DLGAP5: variants seen among roughly 807,000 people sequenced by gnomAD.
The protein encoded by DLGAP5 is disks large-associated protein 5.
Under a neutral mutation model 99.6 loss-of-function variants are expected in DLGAP5, and 90 were observed. The ratio of observed to expected loss-of-function variants is 0.90; its 90% CI spans 0.76 to 1.08. The LOEUF is 1.08. DLGAP5 is among the 50% of genes least tolerant of loss of function. The pLI is 0.00. For synonymous variants in DLGAP5, 311 were observed against 321.3 expected (o/e 0.97, Z 0.34); for missense variants, 1,036 against 983.5 (o/e 1.05, Z -0.71).
intron 12 of DLGAP5, among the ~76,000 whole-genome samples, chr14:55,166,113 G>A (rs2140314262): frequency 6.6e-6 from 1 of 152,248 alleles, no homozygotes; most frequent in East Asian, 1.9e-4. Context: ...ATATTCACAG[G>A]TTATTCATAA....
At chr14:55,170,602 T>C in intron 11 of DLGAP5, 100 bp downstream of exon 11, 1 of 1,049,038 alleles carries the variant, frequency 9.5e-7, no homozygotes, top group Non-Finnish European at 1.4e-6. Flanking sequence ...TGAATGATAA[T>C]GAAACAATAA....
At chr14:55,176,179 G>A (rs1883056088) in intron 8 of DLGAP5, among the ~76,000 whole-genome samples, 161 bp from the exon 9 acceptor site, 2 of 152,096 alleles carry the variant, frequency 1.3e-5, no homozygotes, top group Admixed American at 1.3e-4. Flanking sequence ...AACACCTATA[G>A]TGTGAATGTC....
At chr14:55,160,110 G>A (rs567030881) in intron 13 of DLGAP5, among the ~76,000 whole-genome samples, 2 of 152,044 alleles carry the variant, frequency 1.3e-5, no homozygotes, top group African/African-American at 4.8e-5. Flanking sequence ...AGGCTGAGGT[G>A]GGAGATTGCT....
rs1262929004 is a variant in DLGAP5 at position 55,154,647 on chromosome 14, T to G, written c.2033A>C (p.Lys678Thr). Residue 678 changes from lysine (K) to threonine (T), a missense_variant, in exon 15 of 19, where the codon AAG (lysine) becomes ACG (threonine). Lys to Thr is a moderately conservative substitution (Grantham distance 78). Coordinates refer to ENST00000247191, the MANE Select transcript of DLGAP5 (RefSeq NM_014750.5). ...PQNTKSEHVK[K>T]TLFLSIPESR... ...TTCAGGAATACTCAAAAACAAAGTCTTCTTCACATGTTCACTTTTCGTATT... is the reference window on the plus strand; with the variant it reads ...TTCAGGAATACTCAAAAACAAAGTCGTCTTCACATGTTCACTTTTCGTATT... The G allele has an allele frequency of 3.1e-6, 5 of 1,614,134 alleles. No homozygotes were observed. The highest frequency in any genetic ancestry group is 1.6e-4 in the Middle Eastern group (1 of 6,062).
Position 55,148,428 on chromosome 14 carries a change from G to A in DLGAP5, c.2464C>T (p.His822Tyr). The A allele has an allele frequency of 6.2e-7, 1 of 1,614,162 alleles. No homozygotes were observed. Among genetic ancestry groups the A allele is most frequent in the Non-Finnish European group, 8.5e-7 (1 of 1,180,012 alleles). The change falls in exon 19 of 19, where the codon CAT (histidine) becomes TAT (tyrosine). Residue 822 changes from histidine to tyrosine, a missense_variant. Physicochemically the swap from His to Tyr is moderately conservative, Grantham distance 83. Coordinates refer to ENST00000247191, the MANE Select transcript of DLGAP5 (RefSeq NM_014750.5). ...GAAATGTGTCTGGCATGTTCTTGAT[G>A]TCTCCTCTCCAGCTGAGTAAATGGA... ...SNPFTQLERR[H>Y]QEHARHISFG...
At position 55,175,371 on chromosome 14, in the gene DLGAP5, G is replaced by A; in HGVS notation, c.1276C>T (p.Pro426Ser). 6.2e-7 allele frequency: 1 copy of A among 1,610,298 alleles called. No individual in the cohort carries two copies. The highest frequency in any genetic ancestry group is 8.5e-7 in the Non-Finnish European group (1 of 1,178,806). Residue 426 changes from proline (P) to serine (S), a missense_variant, in exon 10 of 19, where the codon CCC becomes TCC. Physicochemically the swap from Pro to Ser is moderately conservative, Grantham distance 74. Coordinates refer to ENST00000247191, the MANE Select transcript of DLGAP5 (RefSeq NM_014750.5). ...CTGAAATATGGCACACCATGGTGGG[G>A]CTGAGCAATTCGACCTTCATTTCTT... ...LERNEGRIAQ[P>S]HHGVPYFRNI...
Position 55,162,989 on chromosome 14 carries a change from C to A in DLGAP5, c.1635G>T (p.Met545Ile). ...WQVNNNMNHNMNKNVFRKKVV... is the reference protein window; with the variant it reads ...WQVNNNMNHNINKNVFRKKVV... ...AACTTACCCTAAAGACATTTTTGTT[C>A]ATATTATGATTCATATTATTATTGA... Residue 545 changes from methionine to isoleucine, a missense_variant, in exon 13 of 19, where the codon ATG becomes ATT. Physicochemically the swap from Met to Ile is conservative, Grantham distance 10 (BLOSUM62 1). Transcript: ENST00000247191. 1 of 1,573,496 alleles carries A rather than the reference C, an allele frequency of 6.4e-7. No homozygotes were observed. Among genetic ancestry groups the A allele is most frequent in the Non-Finnish European group, 8.6e-7 (1 of 1,161,478 alleles).
At chr14:55,159,215 G>A (rs1882326476) in intron 13 of DLGAP5, among the ~76,000 whole-genome samples, 1 of 152,154 alleles carries the variant, frequency 6.6e-6, no homozygotes, top group African/African-American at 2.4e-5. Flanking sequence ...ATGGGGTGAG[G>A]CAAGTGCTAG....
Position 55,154,719 on chromosome 14 carries a change from A to T in DLGAP5, c.1961T>A (p.Met654Lys), listed in dbSNP as rs1882144780. The T allele has an allele frequency of 6.2e-7, 1 of 1,614,060 alleles. No homozygotes were observed. Among genetic ancestry groups the T allele is most frequent in the Non-Finnish European group, 8.5e-7 (1 of 1,180,018 alleles). Residue 654 changes from methionine (M) to lysine (K), a missense_variant, in exon 15 of 19, where the codon ATG (methionine) becomes AAG (lysine). Transcript: ENST00000247191. The part of the protein sequence containing the change: ...NKAVSQSRNE[M>K]GIPQQTTSPE... ...TGATGTAGTTTGTTGTGGAATGCCCATCTCATTTCTACTCTGAGATACAGC... is the reference window on the plus strand; with the variant it reads ...TGATGTAGTTTGTTGTGGAATGCCCTTCTCATTTCTACTCTGAGATACAGC...
chr14:55,185,284 C>T (rs1204737951), intron 2 of DLGAP5, among the ~76,000 whole-genome samples: 1 of 152,258 alleles, frequency 6.6e-6, no homozygotes, highest in Non-Finnish European at 1.5e-5. Flanking sequence ...AATGCATCCT[C>T]GGCCTCCCGG....
intron 12 of DLGAP5, among the ~76,000 whole-genome samples, chr14:55,164,934 A>G (rs1279700899): frequency 1.5e-5 from 2 of 135,460 alleles, no homozygotes; most frequent in Non-Finnish European, 3.1e-5. Context: ...AAAAAAAAAA[A>G]AAAGAGAAAT....
At position 55,187,866 on chromosome 14, in the gene DLGAP5, C is replaced by A. The variant is rs77974685; in HGVS notation, c.238+1076G>T. Among the ~76,000 whole-genome samples the A allele has an allele frequency of 8.5e-3, 1,299 of 152,276 alleles. 21 individuals are homozygous for A. The highest frequency in any genetic ancestry group is 0.017 in the Middle Eastern group (5 of 294). ...CTCATTTCAGAGTAAAAGCCAATGT[C>A]CTTATAATGATGGTCCTTAGGATTC... On this transcript the variant is annotated intron_variant, in intron 2 of 18. Transcript: ENST00000247191.
chr14:55,172,485 T>C (rs1282896374), intron 10 of DLGAP5, among the ~76,000 whole-genome samples: 1 of 151,962 alleles, frequency 6.6e-6, no homozygotes, highest in African/African-American at 2.4e-5. Context: ...TTTTTTTAAA[T>C]ACAAAATTCT....
At position 55,184,148 on chromosome 14, in the gene DLGAP5, G is replaced by A. The variant is rs1036669035; in HGVS notation, c.239-395C>T. 5.3e-5 allele frequency among the ~76,000 whole-genome samples: 8 copies of A among 150,162 alleles called. No homozygotes were observed. In the East Asian group the frequency reaches 1.4e-3, roughly 26 times the overall value. On this transcript the variant is annotated intron_variant, in intron 2 of 18. Coordinates refer to ENST00000247191, the MANE Select transcript of DLGAP5 (RefSeq NM_014750.5). ...AGCCTAAGCAACAGAGCAAGACTCCGTCTCAAGAAAAAAAAAAAGGCTTTC... is the reference window on the plus strand; with the variant it reads ...AGCCTAAGCAACAGAGCAAGACTCCATCTCAAGAAAAAAAAAAAGGCTTTC...
intron 10 of DLGAP5, among the ~76,000 whole-genome samples, chr14:55,170,995 C>G (rs1177346784): frequency 1.3e-5 from 2 of 152,108 alleles, no homozygotes; most frequent in Non-Finnish European, 2.9e-5. Flanking sequence ...TCCTTTTATA[C>G]CTAAAACTTA....
At chr14:55,160,880 T>C (rs1213579371) in intron 13 of DLGAP5, among the ~76,000 whole-genome samples, 1 of 152,100 alleles carries the variant, frequency 6.6e-6, no homozygotes, top group Admixed American at 6.6e-5. Flanking sequence ...ACAAAAATAA[T>C]AGAGTATAGA....
intron 1 of DLGAP5, among the ~76,000 whole-genome samples, chr14:55,190,086 A>G (rs1033357795): frequency 6.6e-6 from 1 of 152,184 alleles, no homozygotes; most frequent in Non-Finnish European, 1.5e-5. Flanking sequence ...GACCAAATAT[A>G]TAGTTCACAA....
At chr14:55,174,560 C>T (rs2140321893) in intron 10 of DLGAP5, among the ~76,000 whole-genome samples, 1 of 152,222 alleles carries the variant, frequency 6.6e-6, no homozygotes, top group East Asian at 1.9e-4. Flanking sequence ...TGTGATGTCT[C>T]CCCCGGATGC....
chr14:55,180,663 A>G lies in DLGAP5; in HGVS notation c.696T>C (p.Ala232=). Residue 232 remains alanine, a synonymous_variant, in exon 6 of 19, where the codon GCT becomes GCC. Transcript: ENST00000247191. The part of the protein sequence containing the change: ...STTARKPVTR[A]ANENEPEGKV... ...TCAAGGAATAGTTCTCACCATTAGC[A>G]GCTCTTGTGACTGGCTTTCTTGCTG... is the stretch of plus-strand genomic sequence containing the variant. 1 of 1,614,190 alleles carries G rather than the reference A, an allele frequency of 6.2e-7. No individual in the cohort carries two copies. The highest frequency in any genetic ancestry group is 8.5e-7 in the Non-Finnish European group (1 of 1,180,020).
Sources: gnomAD v4.1 joint callset for allele counts (sites outside exome capture counted in the v4.1 genomes callset) on GRCh38, gnomAD v4.1.1 for gene constraint, MANE v1.5 for transcripts, NCBI Gene and HGNC (gene_info 2026-07-23, HGNC 2026-07-21) for gene names.